Variants in GRIA2 observed in about 807,000 individuals in gnomAD.
The protein encoded by GRIA2 is glutamate ionotropic receptor AMPA type subunit 2, also known as glutamate receptor 2.
Under a neutral mutation model 97.3 loss-of-function variants are expected in GRIA2, and 14 were observed. That is an observed-to-expected ratio of 0.14 (90% CI 0.10 to 0.23). The LOEUF is 0.23. GRIA2 is among the 10% of genes least tolerant of loss of function. The pLI is 1.00. For missense variants in GRIA2, 558 were observed against 1,069.8 expected, an observed-to-expected ratio of 0.52 and a Z score of 6.67; for synonymous variants, 412 against 387.8, an observed-to-expected ratio of 1.06 and a Z score of -0.73.
chr4:157,265,204 C>T (rs1280561275), intron 2 of GRIA2, among the ~76,000 whole-genome samples: 1 of 152,024 alleles, frequency 6.6e-6, no homozygotes, highest in Non-Finnish European at 1.5e-5. Context: ...ATTGGAAATG[C>T]GATGGTGAAC....
intron 6 of GRIA2, among the ~76,000 whole-genome samples, chr4:157,329,384 T>G (rs751175923): frequency 1.3e-5 from 2 of 151,966 alleles, no homozygotes; most frequent in African/African-American, 2.4e-5. Context: ...AATGAGTACG[T>G]AAAATGTACC....
intron 2 of GRIA2, among the ~76,000 whole-genome samples, chr4:157,238,910 A>G (rs1730370577): frequency 6.6e-6 from 1 of 152,302 alleles, no homozygotes; most frequent in South Asian, 2.1e-4. Flanking sequence ...TTTTTGTTAT[A>G]TAAAATAGTT....
At chr4:157,257,153 G>A (rs1421184522) in intron 2 of GRIA2, among the ~76,000 whole-genome samples, 3 of 152,016 alleles carry the variant, frequency 2.0e-5, no homozygotes, top group Non-Finnish European at 4.4e-5. Context: ...TCAGGTAAAT[G>A]CCAGATAAAC....
At chr4:157,343,829 T>A (rs2126956846) in intron 12 of GRIA2, among the ~76,000 whole-genome samples, 1 of 152,190 alleles carries the variant, frequency 6.6e-6, no homozygotes, top group African/African-American at 2.4e-5. Flanking sequence ...TATATAAAAG[T>A]TTTGTTTCTT....
intron 2 of GRIA2, among the ~76,000 whole-genome samples, chr4:157,275,844 C>A (rs910091173): frequency 6.6e-6 from 1 of 151,952 alleles, no homozygotes. Flanking sequence ...ATTGACTTGG[C>A]GATGTGGGCT....
chr4:157,326,036 G>A (rs914724623), intron 6 of GRIA2, among the ~76,000 whole-genome samples: 4 of 152,072 alleles, frequency 2.6e-5, no homozygotes, highest in Non-Finnish European at 5.9e-5. Context: ...CTGTCACCCA[G>A]TCCCATGGAG....
At chr4:157,348,448 A>T (rs1337068935) in intron 12 of GRIA2, among the ~76,000 whole-genome samples, 1 of 152,252 alleles carries the variant, frequency 6.6e-6, no homozygotes, top group African/African-American at 2.4e-5. Context: ...TATGTTGCCC[A>T]GGCTGGTCTC....
At chr4:157,226,162 A>T (rs1729735448) in intron 2 of GRIA2, among the ~76,000 whole-genome samples, 1 of 152,086 alleles carries the variant, frequency 6.6e-6, no homozygotes. Context: ...TCAATTCCAT[A>T]CAACAAAATA....
chr4:157,275,956 G>A (rs1483097101), intron 2 of GRIA2, among the ~76,000 whole-genome samples: 3 of 152,118 alleles, frequency 2.0e-5, no homozygotes, highest in Non-Finnish European at 4.4e-5. Context: ...ACCTTGGGCA[G>A]TATGGCCATT....
chr4:157,330,460 T>C (rs1423433214), intron 6 of GRIA2, among the ~76,000 whole-genome samples: 1 of 152,000 alleles, frequency 6.6e-6, no homozygotes, highest in Admixed American at 6.6e-5. Context: ...GTCATTGTGA[T>C]AACCCATGAA....
intron 6 of GRIA2, among the ~76,000 whole-genome samples, chr4:157,322,457 C>T (rs936797975): frequency 6.6e-6 from 1 of 152,130 alleles, no homozygotes; most frequent in Admixed American, 6.5e-5. Context: ...ACAGACTGAT[C>T]TTTGTTCTCC....
At position 157,361,863 on chromosome 4, in the gene GRIA2, A is replaced by G. The variant is rs899373835; in HGVS notation, c.2406+739A>G. On this transcript the variant is annotated intron_variant, in intron 14 of 15. Coordinates refer to ENST00000264426, the MANE Select transcript of GRIA2 (RefSeq NM_001083619.3). The surrounding 1 kb of genome is among the most constrained non-coding windows in gnomAD (Gnocchi z 5.2). The stretch of plus-strand genomic sequence containing the variant: ...ATTTTAAATATAGTATATGCATTTA[A>G]TATATTTATTTCAGTCTGTGTTCAT... 1.3e-5 allele frequency among the ~76,000 whole-genome samples: 2 copies of G among 152,170 alleles called. No individual in the cohort carries two copies. Among genetic ancestry groups the G allele is most frequent in the African/African-American group, 4.8e-5 (2 of 41,460 alleles).
chr4:157,266,423 A>C (rs2126780025), intron 2 of GRIA2, among the ~76,000 whole-genome samples: 1 of 152,226 alleles, frequency 6.6e-6, no homozygotes, highest in East Asian at 1.9e-4. Context: ...AGCATCCAGG[A>C]AAGTAGGAAA....
chr4:157,329,164 A>T (rs1045432577), intron 6 of GRIA2, among the ~76,000 whole-genome samples: 2 of 151,778 alleles, frequency 1.3e-5, no homozygotes, highest in African/African-American at 4.8e-5. Context: ...GCCCTATTTG[A>T]TTTGGTCACT....
intron 2 of GRIA2, among the ~76,000 whole-genome samples, chr4:157,291,484 T>C (rs1000490205): frequency 2.2e-4 from 33 of 151,952 alleles, no homozygotes; most frequent in Non-Finnish European, 4.0e-4. Context: ...AAACAGAGAA[T>C]TTGAGGAATT....
chr4:157,322,596 A>C (rs1298086412), intron 6 of GRIA2, among the ~76,000 whole-genome samples: 1 of 152,214 alleles, frequency 6.6e-6, no homozygotes, highest in Non-Finnish European at 1.5e-5. Flanking sequence ...TTTTTCCTTC[A>C]GTTGGTAACC....
intron 2 of GRIA2, among the ~76,000 whole-genome samples, chr4:157,264,684 G>T (rs1232966140): frequency 6.6e-6 from 1 of 152,016 alleles, no homozygotes; most frequent in Non-Finnish European, 1.5e-5. Context: ...TAAAAGAAAA[G>T]GAAATAAGAA....
chr4:157,312,675 C>T lies in GRIA2; in HGVS notation c.470-4C>T. 6.4e-7 allele frequency: 1 copy of T among 1,564,470 alleles called. No individual in the cohort carries two copies. Among genetic ancestry groups the T allele is most frequent in the Non-Finnish European group, 8.7e-7 (1 of 1,150,672 alleles). Reference sequence around the variant, plus strand: ...TCAGTCATCATTTTTCTTTGCCTTCCTAGGCTTATCAACACTGCAAGCTGT... The same window carrying T: ...TCAGTCATCATTTTTCTTTGCCTTCTTAGGCTTATCAACACTGCAAGCTGT... On this transcript the variant is annotated splice_polypyrimidine_tract_variant and splice_region_variant and intron_variant, in intron 3 of 15. Coordinates refer to ENST00000264426, the MANE Select transcript of GRIA2 (RefSeq NM_001083619.3).
intron 6 of GRIA2, 61 bp downstream of exon 6, chr4:157,321,660 G>C: frequency 8.5e-7 from 1 of 1,183,258 alleles, no homozygotes; most frequent in Non-Finnish European, 1.2e-6. Context: ...AAGAGTCTTG[G>C]CAAATAAGGA....
Sources: gnomAD v4.1 joint callset for allele counts (sites outside exome capture counted in the v4.1 genomes callset) on GRCh38, gnomAD v4.1.1 for gene constraint, Gnocchi (gnomAD v3.1) non-coding constraint, MANE v1.5 for transcripts, NCBI Gene and HGNC (gene_info 2026-07-23, HGNC 2026-07-21) for gene names.